The following MINDY3 variants were observed in gnomAD, a reference collection of about 807,000 sequenced individuals.
MINDY3 encodes the protein ubiquitin carboxyl-terminal hydrolase MINDY-3.
In MINDY3, 38 loss-of-function variants were observed where a neutral mutation model predicts 69.2. That is an observed-to-expected ratio of 0.55 (90% CI 0.42 to 0.72). The LOEUF is 0.72. Among genes scored for constraint, MINDY3 ranks in the 30% least tolerant of loss-of-function variants. The pLI is 0.00. For missense variants in MINDY3, 522 were observed against 519.0 expected (o/e 1.01, Z -0.06); for synonymous variants, 192 against 180.1 (o/e 1.07, Z -0.53).
chr10:15,789,039 TTGCTGGG>T, intron 12 of MINDY3: 1 of 422,810 alleles, frequency 2.4e-6, no homozygotes, highest in South Asian at 4.7e-5. Flanking sequence ...AGGACAGTAA[TTGCTGGG>T]TGGGAAAGGA....
intron 12 of MINDY3, 146 bp from the exon 13 acceptor site, chr10:15,786,794 A>C: frequency 1.7e-6 from 1 of 599,432 alleles, no homozygotes; most frequent in Non-Finnish European, 3.0e-6. Flanking sequence ...TGACAAATAC[A>C]CAGGAATGAC....
At position 15,806,265 on chromosome 10, in the gene MINDY3, C is replaced by A. The variant is rs143886221; in HGVS notation, c.883-10093G>T. On this transcript the variant is annotated intron_variant, in intron 10 of 14. Coordinates refer to ENST00000277632, the MANE Select transcript of MINDY3 (RefSeq NM_024948.4). ...CCTCTTGTGTCTTCCCTCATGCTATCCAGTAACTCTGACCTTAACAATGTA... is the reference window on the plus strand; with the variant it reads ...CCTCTTGTGTCTTCCCTCATGCTATACAGTAACTCTGACCTTAACAATGTA... Among the ~76,000 whole-genome samples the A allele has an allele frequency of 3.3e-3, 499 of 152,262 alleles. 2 individuals carry two copies. Among genetic ancestry groups the A allele is most frequent in the African/African-American group, 0.011 (475 of 41,548 alleles).
chr10:15,837,939 G>T, intron 5 of MINDY3: 1 of 946,054 alleles, frequency 1.1e-6, no homozygotes, highest in Non-Finnish European at 1.3e-6. Context: ...TATTTGTTTA[G>T]GTCACAGAAA....
At chr10:15,847,272 T>C (rs1833919890) in intron 2 of MINDY3, among the ~76,000 whole-genome samples, 1 of 152,210 alleles carries the variant, frequency 6.6e-6, no homozygotes, top group Non-Finnish European at 1.5e-5. Flanking sequence ...CAATGTAACA[T>C]ACCAAGATTC....
intron 1 of MINDY3, among the ~76,000 whole-genome samples, chr10:15,853,906 T>C (rs954533124): frequency 1.1e-4 from 17 of 152,202 alleles, no homozygotes; most frequent in African/African-American, 3.4e-4. Flanking sequence ...CTTGGAACAC[T>C]TGTGTCCACT....
At chr10:15,817,860 C>T (rs1054813792) in intron 9 of MINDY3, 7 of 152,058 alleles carry the variant, frequency 4.6e-5, no homozygotes, top group African/African-American at 1.7e-4. Context: ...ATTCTTATCA[C>T]TAGGAGGGAA....
chr10:15,798,462 G>GT (rs1215930771), intron 10 of MINDY3, among the ~76,000 whole-genome samples: 1 of 130,968 alleles, frequency 7.6e-6, no homozygotes, highest in African/African-American at 3.3e-5. Flanking sequence ...TAAGTGCCAA[G>GT]TGTTTTTTTT....
intron 1 of MINDY3, among the ~76,000 whole-genome samples, chr10:15,851,041 A>G (rs1040895848): frequency 8.5e-5 from 13 of 152,192 alleles, no homozygotes; most frequent in Non-Finnish European, 1.5e-4. Context: ...AGTACAGGCT[A>G]GTTCCCAAAT....
intron 8 of MINDY3, among the ~76,000 whole-genome samples, chr10:15,827,497 C>T (rs187170832): frequency 6.6e-5 from 10 of 151,496 alleles, no homozygotes; most frequent in African/African-American, 1.7e-4. Flanking sequence ...GAGCCAGGAT[C>T]GTGCCACTGC....
At chr10:15,843,060 T>C in intron 3 of MINDY3, 152 bp downstream of exon 3, 1 of 637,866 alleles carries the variant, frequency 1.6e-6, no homozygotes, top group Non-Finnish European at 2.8e-6. Flanking sequence ...TTTGGAAATA[T>C]GGAGTCACTG....
Position 15,821,666 on chromosome 10 carries a change from C to A in MINDY3, c.791G>T (p.Arg264Ile). 1 of 1,610,354 alleles carries A rather than the reference C, an allele frequency of 6.2e-7. No homozygotes were observed. Among genetic ancestry groups the A allele is most frequent in the Non-Finnish European group, 8.5e-7 (1 of 1,178,152 alleles). ...VGFLTLMEAL[R>I]YCKVGSYLKS... ...TAAAAATCAATTTACCTTACAGTAT[C>A]TTAAAGCTTCCATTAGTGTTAAAAA... Residue 264 changes from arginine to isoleucine, a missense_variant, in exon 9 of 15, where the codon AGA becomes ATA. Physicochemically the swap from Arg to Ile is moderately conservative, Grantham distance 97 (BLOSUM62 -3). Transcript: ENST00000277632.
intron 10 of MINDY3, among the ~76,000 whole-genome samples, chr10:15,802,749 A>C (rs1838351956): frequency 6.6e-6 from 1 of 152,176 alleles, no homozygotes; most frequent in Non-Finnish European, 1.5e-5. Flanking sequence ...GTTAGGCTCC[A>C]AATAACAAAA....
intron 1 of MINDY3, among the ~76,000 whole-genome samples, chr10:15,851,624 T>C (rs1834305806): frequency 6.6e-6 from 1 of 152,012 alleles, no homozygotes; most frequent in African/African-American, 2.4e-5. Context: ...TTCCATCCCA[T>C]CTCCAGTCCA....
At chr10:15,846,722 T>A (rs758140492) in intron 2 of MINDY3, among the ~76,000 whole-genome samples, 7 of 141,424 alleles carry the variant, frequency 4.9e-5, no homozygotes, top group Non-Finnish European at 1.0e-4. Context: ...AGTTTAGGAA[T>A]GCATTTTTTT....
chr10:15,845,356 TA>T (rs1171576347), intron 2 of MINDY3, among the ~76,000 whole-genome samples: 1 of 152,226 alleles, frequency 6.6e-6, no homozygotes, highest in Non-Finnish European at 1.5e-5. Flanking sequence ...CTATTCTTCT[TA>T]CACAGTATCA....
At chr10:15,856,350 A>G (rs1834690071) in intron 1 of MINDY3, among the ~76,000 whole-genome samples, 1 of 151,732 alleles carries the variant, frequency 6.6e-6, no homozygotes, top group African/African-American at 2.4e-5. Context: ...AAATTGTGCT[A>G]CACTGAAAGC....
chr10:15,786,660 A>C lies in MINDY3; in HGVS notation c.1029-12T>G, dbSNP rs1836991041. On this transcript the variant is annotated splice_polypyrimidine_tract_variant and intron_variant, in intron 12 of 14. Coordinates refer to ENST00000277632, the MANE Select transcript of MINDY3 (RefSeq NM_024948.4). ...TCATGAGATTTATACTACGGGGAGA[A>C]AGAAGAAAAACAGTGGATACCAGAG... 2 of 1,490,630 alleles carry C rather than the reference A, an allele frequency of 1.3e-6. No homozygotes were observed. The highest frequency in any genetic ancestry group is 1.9e-6 in the Non-Finnish European group (2 of 1,077,594). 92.3% of individuals were successfully genotyped at this position (1,490,630 alleles called of 1,614,324 possible).
At chr10:15,813,738 A>G (rs114385406) in intron 10 of MINDY3, among the ~76,000 whole-genome samples, 2,305 of 152,280 alleles carry the variant, frequency 0.015, 45 homozygotes, top group African/African-American at 0.05. Context: ...AAAGAATTCC[A>G]CTGTTCTTCA....
chr10:15,853,074 T>C (rs985294453), intron 1 of MINDY3, among the ~76,000 whole-genome samples: 1 of 152,118 alleles, frequency 6.6e-6, no homozygotes, highest in Non-Finnish European at 1.5e-5. Context: ...TTGAACCCAC[T>C]ACCCCTCGAA....
Sources: allele counts gnomAD v4.1 joint callset (sites outside exome capture counted in the v4.1 genomes callset), GRCh38; gene constraint gnomAD v4.1.1; transcripts MANE v1.5; gene names NCBI Gene and HGNC (gene_info 2026-07-23, HGNC 2026-07-21).